Variants in KCNQ3 observed in about 807,000 individuals in gnomAD.
The protein encoded by KCNQ3 is potassium voltage-gated channel subfamily Q member 3.
KCNQ3 carries 30 observed loss-of-function variants against 92.5 expected under a neutral mutation model. That is an observed-to-expected ratio of 0.32 (90% confidence interval 0.24 to 0.44). The LOEUF (loss-of-function observed/expected upper bound fraction) is 0.44. KCNQ3 is among the 20% of genes least tolerant of loss of function. The pLI, the probability that KCNQ3 is intolerant of heterozygous loss-of-function variation, is 1.00. For missense variants in KCNQ3, 913 were observed against 1,140.3 expected (o/e 0.80, Z 2.87); for synonymous variants, 450 against 468.8 (o/e 0.96, Z 0.52).
At chr8:132,405,653 GC>G in intron 1 of KCNQ3, among the ~76,000 whole-genome samples, 1 of 152,270 alleles carries the variant, frequency 6.6e-6, no homozygotes, top group Non-Finnish European at 1.5e-5. Flanking sequence ...TTATAACTTA[GC>G]ATGTCGACCA....
intron 1 of KCNQ3, among the ~76,000 whole-genome samples, chr8:132,380,167 T>G (rs1397376391): frequency 6.6e-6 from 1 of 152,162 alleles, no homozygotes; most frequent in Non-Finnish European, 1.5e-5. Context: ...AAAAGCCTCA[T>G]GTTTACTGAT....
rs562699255 is a variant in KCNQ3 at position 132,333,062 on chromosome 8, A to T, written c.387-146881T>A. ...ATGGATGGATGGATGGATGGATGGAAGATGAACAAAGGAAGAGAGGGGCAT... is the reference window on the plus strand; with the variant it reads ...ATGGATGGATGGATGGATGGATGGATGATGAACAAAGGAAGAGAGGGGCAT... On this transcript the variant is annotated intron_variant, in intron 1 of 14. Coordinates refer to ENST00000388996, the MANE Select transcript of KCNQ3 (RefSeq NM_004519.4). 8.0e-4 allele frequency among the ~76,000 whole-genome samples: 118 copies of T among 147,232 alleles called. 1 individual carries two copies. The highest frequency in any genetic ancestry group is 2.8e-3 in the African/African-American group (108 of 38,530).
chr8:132,239,466 A>G (rs1279392036), intron 1 of KCNQ3, among the ~76,000 whole-genome samples: 1 of 152,242 alleles, frequency 6.6e-6, no homozygotes, highest in Non-Finnish European at 1.5e-5. Context: ...GTGGTGATGT[A>G]GAAGAAGACA....
In KCNQ3 at chr8:132,123,234, G is replaced by C. The variant is rs555478658; in HGVS notation, c.*6028C>G. 1 of 152,516 alleles carries C rather than the reference G, an allele frequency of 6.6e-6. No homozygotes were observed. Among genetic ancestry groups the C allele is most frequent in the South Asian group, 2.1e-4 (1 of 4,822 alleles). 9.4% of individuals were successfully genotyped at this position (152,516 alleles called of 1,614,324 possible). On this transcript the variant is annotated 3_prime_UTR_variant, in exon 15 of 15. Coordinates refer to ENST00000388996, the MANE Select transcript of KCNQ3 (RefSeq NM_004519.4). ...ATGAGCCCAAGTGATGGGCCAAAAA[G>C]GTGAACCAGTCCAAACATGGCAGGA...
chr8:132,154,192 A>ATTTTTTTTTTTTTTTTTTTTTT (rs1563775830), intron 9 of KCNQ3, among the ~76,000 whole-genome samples: 13 of 104,476 alleles, frequency 1.2e-4, no homozygotes, highest in East Asian at 2.7e-4. Flanking sequence ...AAAGGGTAAA[A>ATTTTTTTTTTTTTTTTTTTTTT]GTTTTTTTTT....
At chr8:132,292,609 T>C (rs1330232404) in intron 1 of KCNQ3, among the ~76,000 whole-genome samples, 1 of 151,922 alleles carries the variant, frequency 6.6e-6, no homozygotes, top group Non-Finnish European at 1.5e-5. Context: ...GGATGGAGAG[T>C]TGGATACATG....
At chr8:132,378,570 T>A (rs998194933) in intron 1 of KCNQ3, among the ~76,000 whole-genome samples, 13 of 152,248 alleles carry the variant, frequency 8.5e-5, no homozygotes, top group African/African-American at 3.1e-4. Context: ...CTAAGACAGA[T>A]ACTCTTGCCT....
chr8:132,142,949 T>C (rs1260086393), intron 9 of KCNQ3, among the ~76,000 whole-genome samples: 3 of 152,156 alleles, frequency 2.0e-5, no homozygotes, highest in Non-Finnish European at 4.4e-5. Flanking sequence ...ATCTGCTTCA[T>C]AGAGGGTTAG....
rs747502552 is a variant in KCNQ3, at chr8:132,134,303, G to A, written c.1786C>T (p.Gln596Ter). ...QKGSAFTFPS[Q>*]QSPRNEPYVA... ...CACTGGCCCCACCTGGGAGATTGCTGGGATGGGAAGGTGAATGCTGACCCT... is the reference window on the plus strand; with the variant it reads ...CACTGGCCCCACCTGGGAGATTGCTAGGATGGGAAGGTGAATGCTGACCCT... Residue 596 changes from glutamine (Q) to a stop codon, truncating the protein, a stop_gained, in exon 13 of 15, where the codon CAG (glutamine) becomes TAG (stop). Coordinates refer to ENST00000388996, the MANE Select transcript of KCNQ3 (RefSeq NM_004519.4). LOFTEE classifies it high-confidence loss of function. 1.2e-6 allele frequency: 2 copies of A among 1,613,620 alleles called. No individual in the cohort carries two copies. Among genetic ancestry groups the A allele is most frequent in the East Asian group, 4.5e-5 (2 of 44,858 alleles).
At chr8:132,163,620 T>C in intron 8 of KCNQ3, 126 bp from the exon 9 acceptor site, 2 of 845,916 alleles carry the variant, frequency 2.4e-6, no homozygotes, top group Non-Finnish European at 4.0e-6. Context: ...TAGGACAGGA[T>C]GGTCAGTGTG....
chr8:132,233,965 T>C (rs1310327213), intron 1 of KCNQ3, among the ~76,000 whole-genome samples: 1 of 151,838 alleles, frequency 6.6e-6, no homozygotes, highest in East Asian at 1.9e-4. Context: ...AGTGAACACA[T>C]AATTTATTGT....
chr8:132,440,923 A>C (rs1821520457), intron 1 of KCNQ3, among the ~76,000 whole-genome samples: 1 of 152,246 alleles, frequency 6.6e-6, no homozygotes, highest in South Asian at 2.1e-4. Flanking sequence ...CATTGCCATC[A>C]AGAAATCAGA....
intron 1 of KCNQ3, among the ~76,000 whole-genome samples, chr8:132,265,105 A>G (rs1389771928): frequency 6.6e-6 from 1 of 152,136 alleles, no homozygotes; most frequent in East Asian, 1.9e-4. Context: ...AAGGTAATAA[A>G]GGTACAGGTC....
chr8:132,252,937 C>G (rs1357618299), intron 1 of KCNQ3, among the ~76,000 whole-genome samples: 1 of 152,210 alleles, frequency 6.6e-6, no homozygotes, highest in Non-Finnish European at 1.5e-5. Flanking sequence ...ACACTGCCCT[C>G]CTTCTCACTT....
chr8:132,130,783 C>A (rs1824855071), intron 14 of KCNQ3, among the ~76,000 whole-genome samples: 1 of 152,206 alleles, frequency 6.6e-6, no homozygotes, highest in South Asian at 2.1e-4. Flanking sequence ...ACTGAAGACC[C>A]TACCTAGCAG....
intron 1 of KCNQ3, among the ~76,000 whole-genome samples, chr8:132,304,256 A>T (rs1817348092): frequency 2.0e-5 from 3 of 152,194 alleles, no homozygotes. Context: ...ACTATGTAAT[A>T]CATCCATGTA....
intron 1 of KCNQ3, among the ~76,000 whole-genome samples, chr8:132,206,440 A>G (rs1813662102): frequency 6.6e-6 from 1 of 152,234 alleles, no homozygotes; most frequent in Admixed American, 6.5e-5. Flanking sequence ...GGAAATCAAA[A>G]TAAAAGAATC....
Position 132,125,386 on chromosome 8 carries a change from T to C in KCNQ3, c.*3876A>G, listed in dbSNP as rs1824633735. ...GCAGGGATGAAATCAGGTATTTTATTTTCCTGGTAGACATAGTTTGAAGGG... is the reference window on the plus strand; with the variant it reads ...GCAGGGATGAAATCAGGTATTTTATCTTCCTGGTAGACATAGTTTGAAGGG... On this transcript the variant is annotated 3_prime_UTR_variant, in exon 15 of 15. Transcript: ENST00000388996. 1 of 152,186 alleles carries C rather than the reference T, an allele frequency of 6.6e-6. No homozygotes were observed. Among genetic ancestry groups the C allele is most frequent in the African/African-American group, 2.4e-5 (1 of 41,446 alleles). The allele number at this position is 152,186 out of a possible 1,614,324, so 9.4% of individuals were successfully genotyped here.
intron 1 of KCNQ3, among the ~76,000 whole-genome samples, chr8:132,478,114 G>A (rs1342693122): frequency 6.6e-6 from 1 of 152,294 alleles, no homozygotes; most frequent in East Asian, 1.9e-4. Flanking sequence ...CTAGGTAACT[G>A]ACTTTCTTCT....
Sources: allele counts gnomAD v4.1 joint callset (sites outside exome capture counted in the v4.1 genomes callset), GRCh38; gene constraint gnomAD v4.1.1; transcripts MANE v1.5; gene names NCBI Gene and HGNC (gene_info 2026-07-23, HGNC 2026-07-21).